Variants in FAM184A observed in about 807,000 individuals in gnomAD.
FAM184A encodes protein FAM184A.
Under a neutral mutation model 143.8 loss-of-function variants are expected in FAM184A, and 99 were observed. The observed-to-expected ratio is 0.69, with a 90% confidence interval of 0.58 to 0.81. The LOEUF is 0.81. Among genes scored for constraint, FAM184A ranks in the 40% least tolerant of loss-of-function variants. The pLI, the probability that FAM184A is intolerant of heterozygous loss-of-function variation, is 0.00. For synonymous variants in FAM184A, 427 were observed against 446.4 expected (o/e 0.96, Z 0.55); for missense variants, 1,217 against 1,310.5 (o/e 0.93, Z 1.10).
chr6:118,997,042 T>C (rs1784587339), intron 9 of FAM184A, among the ~76,000 whole-genome samples: 1 of 128,088 alleles, frequency 7.8e-6, no homozygotes. Flanking sequence ...ATCATTATTC[T>C]AGGTATCTTG....
intron 1 of FAM184A, among the ~76,000 whole-genome samples, chr6:119,110,371 G>A (rs528432486): frequency 1.3e-5 from 2 of 152,238 alleles, no homozygotes; most frequent in East Asian, 3.9e-4. Flanking sequence ...CCTGTATCAG[G>A]AAAGCAAAAC....
intron 1 of FAM184A, chr6:119,031,624 CTCAT>C (rs1420424738): frequency 1.3e-5 from 2 of 152,214 alleles, no homozygotes; most frequent in East Asian, 3.9e-4. Flanking sequence ...TAAAATCTAA[CTCAT>C]TAGTCATAAG....
rs747380398 is a variant in FAM184A at position 119,024,506 on chromosome 6, C to T, written c.467G>A (p.Arg156Lys). 6 of 1,613,812 alleles carry T rather than the reference C, an allele frequency of 3.7e-6. No homozygotes were observed. Among genetic ancestry groups the T allele is most frequent in the Non-Finnish European group, 5.1e-6 (6 of 1,179,954 alleles). Residue 156 changes from arginine to lysine, a missense_variant, in exon 2 of 18, where the codon AGA becomes AAA. Coordinates refer to ENST00000338891, the MANE Select transcript of FAM184A (RefSeq NM_024581.6). The part of the protein sequence containing the change: ...QHVQRIVTMS[R>K]EVEEIRRKFE... ...TTTCCTTCTAATCTCTTCGACTTCT[C>T]TAGACATGGTCACTATGCGTTGGAC...
intron 17 of FAM184A, chr6:118,960,825 C>T (rs776227514): frequency 3.1e-5 from 42 of 1,365,908 alleles, no homozygotes; most frequent in Non-Finnish European, 4.0e-5. Context: ...CTCCAGTAGT[C>T]ATGTTCCTTG....
In FAM184A at chr6:118,961,961, T is replaced by C. The variant is rs769079636; in HGVS notation, c.3141A>G (p.Gln1047=). The change falls in exon 17 of 18, where the codon CAA becomes CAG. Residue 1047 remains glutamine, a splice_region_variant and synonymous_variant. Coordinates refer to ENST00000338891, the MANE Select transcript of FAM184A (RefSeq NM_024581.6). ...TVGVINPLAK[Q]KKKNDKSPTN... is the part of the protein sequence containing the mutation. ...TTGGTGATTTATCATTCTTCTTCTT[T>C]TGCTGCATTAAAAATAATACATGTG... 25 of 1,613,434 alleles carry C rather than the reference T, an allele frequency of 1.5e-5. No individual in the cohort carries two copies. Among genetic ancestry groups the C allele is most frequent in the Non-Finnish European group, 2.0e-5 (24 of 1,179,546 alleles).
chr6:119,100,354 C>G (rs533991562), intron 1 of FAM184A, among the ~76,000 whole-genome samples: 73 of 152,234 alleles, frequency 4.8e-4, no homozygotes, highest in African/African-American at 1.7e-3. Flanking sequence ...CTCTGAGACA[C>G]ATTGTAAAGC....
At position 119,024,601 on chromosome 6, in the gene FAM184A, C is replaced by T. The variant is rs2114691919; in HGVS notation, c.372G>A (p.Gln124=). The T allele has an allele frequency of 6.2e-7, 1 of 1,614,162 alleles. No homozygotes were observed. The highest frequency in any genetic ancestry group is 2.2e-5 in the East Asian group (1 of 44,882). ...SLEDHIKMKQ[Q]ALTEFEAYKH... ...TATAAGCTTCAAATTCTGTCAAAGC[C>T]TGCTGCTTCATTTTTATGTGATCTT... The change falls in exon 2 of 18, where the codon CAG becomes CAA. Residue 124 remains glutamine, a synonymous_variant. Transcript: ENST00000338891.
intron 1 of FAM184A, among the ~76,000 whole-genome samples, chr6:119,047,371 A>G (rs1346191796): frequency 6.6e-6 from 1 of 152,190 alleles, no homozygotes; most frequent in Non-Finnish European, 1.5e-5. Context: ...CAGCAATCCC[A>G]CTGCTGGGTA....
At chr6:119,139,296 A>C (rs112261856) in intron 1 of FAM184A, among the ~76,000 whole-genome samples, 124 of 152,304 alleles carry the variant, frequency 8.1e-4, no homozygotes, top group African/African-American at 2.8e-3. Flanking sequence ...CTTGCTCTTT[A>C]TTAGAAAGTC....
upstream of FAM184A, among the ~76,000 whole-genome samples, chr6:119,079,605 T>TA (rs147398775): frequency 0.044 from 6,676 of 152,328 alleles, 254 homozygotes; most frequent in East Asian, 0.2. Flanking sequence ...GCATGGATAA[T>TA]ACTTTAAAAA....
intron 9 of FAM184A, among the ~76,000 whole-genome samples, chr6:118,994,730 TAAATAA>T (rs67730717): frequency 1.8e-5 from 2 of 112,972 alleles, no homozygotes; most frequent in East Asian, 3.8e-4. Context: ...AATAAATAAA[TAAATAA>T]AAAGCCAGAG....
At chr6:118,980,407 A>G (rs1783985685) in intron 9 of FAM184A, 57 bp from the exon 10 acceptor site, 2 of 1,372,408 alleles carry the variant, frequency 1.5e-6, no homozygotes, top group Non-Finnish European at 2.1e-6. Context: ...TTCACAAACT[A>G]CCCAGCAAAG....
In FAM184A at chr6:118,994,699, A is replaced by AAATG. The variant is rs1784490060; in HGVS notation, c.2088+8199_2088+8200insCATT. 1.0e-4 allele frequency among the ~76,000 whole-genome samples: 14 copies of AAATG among 133,448 alleles called. 1 individual carries two copies. Among genetic ancestry groups the AAATG allele is most frequent in the Admixed American group, 5.8e-4 (8 of 13,784 alleles). 87.5% of individuals were successfully genotyped at this position (133,448 alleles called of 152,430 possible). A position where few individuals can be genotyped will look rare whatever the true frequency, so the allele number is the denominator to read the frequency against. ...AGACTCCATCTCTAAATAAATAAAT[A>AAATG]AATAAATAAATAAATAAATAAATAA... On this transcript the variant is annotated intron_variant, in intron 9 of 17. Coordinates refer to ENST00000338891, the MANE Select transcript of FAM184A (RefSeq NM_024581.6).
At chr6:119,124,435 T>C (rs1001738102) in intron 1 of FAM184A, among the ~76,000 whole-genome samples, 4 of 152,186 alleles carry the variant, frequency 2.6e-5, no homozygotes, top group African/African-American at 9.6e-5. Flanking sequence ...CAATAATGAT[T>C]ATAACTATCC....
chr6:118,998,140 C>T (rs1407645850), intron 9 of FAM184A, among the ~76,000 whole-genome samples: 1 of 152,184 alleles, frequency 6.6e-6, no homozygotes, highest in East Asian at 1.9e-4. Flanking sequence ...CTCATCTTGA[C>T]TTCCTTGTCT....
intron 11 of FAM184A, among the ~76,000 whole-genome samples, chr6:118,977,065 C>G (rs1783869534): frequency 6.6e-6 from 1 of 152,146 alleles, no homozygotes; most frequent in Non-Finnish European, 1.5e-5. Flanking sequence ...AGAAATGAAA[C>G]TTATGTTTAT....
At chr6:119,047,102 C>T (rs937204921) in intron 1 of FAM184A, among the ~76,000 whole-genome samples, 3 of 151,880 alleles carry the variant, frequency 2.0e-5, no homozygotes, top group Non-Finnish European at 2.9e-5. Context: ...AGAAGACATA[C>T]AAATGGCAAA....
rs996159219 is a variant in FAM184A at position 119,087,202 on chromosome 6, A to G, written c.-202+61876T>C. Among the ~76,000 whole-genome samples, 8 of 152,310 alleles carry G rather than the reference A, an allele frequency of 5.3e-5. No homozygotes were observed. The East Asian group carries it at 1.5e-3, about 29-fold the overall frequency. Reference sequence around the variant, plus strand: ...GAGATGTGAGCTCAACAGTTAATGGACCAAAAGCATAGGCAGCAAAAGAAA... The same window carrying G: ...GAGATGTGAGCTCAACAGTTAATGGGCCAAAAGCATAGGCAGCAAAAGAAA... On this transcript the variant is annotated intron_variant, in intron 1 of 16. Transcript: ENST00000352896.
chr6:119,057,948 C>G (rs1787059506), intron 1 of FAM184A: 1 of 143,868 alleles, frequency 7.0e-6, no homozygotes, highest in Non-Finnish European at 1.5e-5. Flanking sequence ...GTATAAAACT[C>G]CCCCGCTCCT....
Sources: allele counts gnomAD v4.1 joint callset (sites outside exome capture counted in the v4.1 genomes callset), GRCh38; gene constraint gnomAD v4.1.1; transcripts MANE v1.5; gene names NCBI Gene and HGNC (gene_info 2026-07-23, HGNC 2026-07-21).